Variants in DNMT3B observed in about 807,000 individuals in gnomAD.
DNMT3B encodes DNA methyltransferase 3 beta, also known as DNA (cytosine-5)-methyltransferase 3B.
DNMT3B carries 37 observed loss-of-function variants against 120.2 expected under a neutral mutation model. The observed-to-expected ratio is 0.31, with a 90% CI of 0.24 to 0.40. The LOEUF is 0.40. Ranked by LOEUF, DNMT3B falls within the 10% of genes least tolerant of loss-of-function variation. DNMT3B has a pLI of 1.00. For synonymous variants in DNMT3B, 412 were observed against 442.8 expected (o/e 0.93, Z 0.87); for missense variants, 878 against 1,137.3 (o/e 0.77, Z 3.28).
intron 1 of DNMT3B, among the ~76,000 whole-genome samples, chr20:32,763,249 G>C (rs1353907209): frequency 5.9e-5 from 9 of 152,374 alleles, no homozygotes. Flanking sequence ...CCCAATCCCA[G>C]CTTTAGGAAA....
chr20:32,783,220 C>A (rs1019027997), intron 3 of DNMT3B, among the ~76,000 whole-genome samples: 3 of 152,204 alleles, frequency 2.0e-5, no homozygotes, highest in Non-Finnish European at 4.4e-5. Flanking sequence ...AGCCACCATA[C>A]CTGGCCCATT....
At chr20:32,793,424 C>A in intron 9 of DNMT3B, 112 bp from the exon 10 acceptor site, 1 of 1,222,752 alleles carries the variant, frequency 8.2e-7, no homozygotes, top group Non-Finnish European at 1.2e-6. Flanking sequence ...GCCGAGATCG[C>A]ACCACTGCAT....
chr20:32,795,627 A>G (rs199509646), intron 11 of DNMT3B, 23 bp from the exon 12 acceptor site: 2 of 1,612,534 alleles, frequency 1.2e-6, no homozygotes, highest in Admixed American at 1.7e-5. Context: ...ACCTCATCTC[A>G]TGCCTTCTTC....
rs531310405 is a variant in DNMT3B at position 32,795,485 on chromosome 20, A to C, written c.1203A>C (p.Thr401=). The change falls in exon 11 of 23, where the codon ACA becomes ACC. Residue 401 remains threonine, a synonymous_variant. Transcript: ENST00000328111. The part of the protein sequence containing the change: ...DYCPAPKRLK[T]NCYNNGKDRG... ...GCCCCGCACCCAAGCGCCTCAAGAC[A>C]AATTGCTATAACAACGGCAAAGACC... 1 of 1,614,186 alleles carries C rather than the reference A, an allele frequency of 6.2e-7. No homozygotes were observed. The highest frequency in any genetic ancestry group is 1.1e-5 in the South Asian group (1 of 91,084).
chr20:32,777,065 C>T (rs990567797), intron 1 of DNMT3B, among the ~76,000 whole-genome samples: 2 of 152,064 alleles, frequency 1.3e-5, no homozygotes, highest in Non-Finnish European at 2.9e-5. Flanking sequence ...AACGTAGGGT[C>T]GTGATAAAAA....
At chr20:32,772,694 C>T (rs1457097162) in intron 1 of DNMT3B, among the ~76,000 whole-genome samples, 1 of 152,084 alleles carries the variant, frequency 6.6e-6, no homozygotes. Context: ...AAAGTTTAGA[C>T]TCTAAAGTTA....
At chr20:32,769,177 C>T (rs1348245936) in intron 1 of DNMT3B, among the ~76,000 whole-genome samples, 4 of 152,078 alleles carry the variant, frequency 2.6e-5, no homozygotes, top group Admixed American at 1.3e-4. Flanking sequence ...CTCTGCCTTC[C>T]GGGTTCACGC....
At chr20:32,777,511 A>G (rs939713358) in intron 1 of DNMT3B, among the ~76,000 whole-genome samples, 4 of 152,176 alleles carry the variant, frequency 2.6e-5, no homozygotes, top group African/African-American at 9.7e-5. Flanking sequence ...AGGAGGTCAC[A>G]TCCTTCACTC....
chr20:32,771,524 C>T (rs1987740075), intron 1 of DNMT3B, among the ~76,000 whole-genome samples: 1 of 150,798 alleles, frequency 6.6e-6, no homozygotes, highest in Non-Finnish European at 1.5e-5. Context: ...GCCTGTAATC[C>T]CAAGGAAGCT....
At position 32,791,723 on chromosome 20, in the gene DNMT3B, G is replaced by A. The variant is rs1171732147; in HGVS notation, c.921+15G>A. 6.2e-7 allele frequency: 1 copy of A among 1,612,868 alleles called. No individual in the cohort carries two copies. The highest frequency in any genetic ancestry group is 1.7e-5 in the Admixed American group (1 of 59,990). Reference sequence around the variant, plus strand: ...ATGCTCTGGAGGTAACATGGGATGAGGGAATGAGGGCTAAGCCCTGAGAGC... The same window carrying A: ...ATGCTCTGGAGGTAACATGGGATGAAGGAATGAGGGCTAAGCCCTGAGAGC... On this transcript the variant is annotated intron_variant, in intron 8 of 22. Coordinates refer to ENST00000328111, the MANE Select transcript of DNMT3B (RefSeq NM_006892.4).
rs1468799900 is a variant in DNMT3B, at chr20:32,787,751, G to A, written c.654+300G>A. Among the ~76,000 whole-genome samples the A allele has an allele frequency of 4.6e-5, 7 of 152,122 alleles. No homozygotes were observed. The East Asian group carries it at 9.6e-4, about 21-fold the overall frequency. On this transcript the variant is annotated intron_variant, in intron 6 of 22. Coordinates refer to ENST00000328111, the MANE Select transcript of DNMT3B (RefSeq NM_006892.4). ...TACGTTATACATTTCATGTACGCCC[G>A]TGTGAAGAGACCACCAAACAGGCTT...
chr20:32,776,553 T>C (rs1464636600), intron 1 of DNMT3B, among the ~76,000 whole-genome samples: 1 of 152,150 alleles, frequency 6.6e-6, no homozygotes, highest in Non-Finnish European at 1.5e-5. Flanking sequence ...GTAGTTAAAT[T>C]TGTATGTTAT....
intron 17 of DNMT3B, 133 bp from the exon 18 acceptor site, chr20:32,800,702 A>AC: frequency 3.0e-6 from 3 of 984,466 alleles, no homozygotes; most frequent in Non-Finnish European, 4.9e-6. Context: ...CAGGTAATCC[A>AC]CCCCCGCCGT....
In DNMT3B at chr20:32,807,930, GGT is replaced by G. The variant is rs1982148263; in HGVS notation, c.*33_*34del. The G allele has an allele frequency of 1.2e-6, 2 of 1,613,992 alleles. No individual in the cohort carries two copies. The highest frequency in any genetic ancestry group is 2.7e-5 in the African/African-American group (2 of 75,036). Reference sequence around the variant, plus strand: ...TCCAGCCAGGCCCCAAGCCCACTGGGGTGTGTGGCAGAGCCAGGACCCAGGAG... The same window carrying G: ...TCCAGCCAGGCCCCAAGCCCACTGGGGTGTGGCAGAGCCAGGACCCAGGAG... On this transcript the variant is annotated 3_prime_UTR_variant, in exon 23 of 23. Coordinates refer to ENST00000328111, the MANE Select transcript of DNMT3B (RefSeq NM_006892.4).
At chr20:32,792,475 C>T in intron 8 of DNMT3B, 151 bp from the exon 9 acceptor site, 1 of 1,330,368 alleles carries the variant, frequency 7.5e-7, no homozygotes, top group Non-Finnish European at 1.0e-6. Flanking sequence ...CCTCCTTCCT[C>T]TGTCACATAC....
At chr20:32,772,737 G>GT (rs370686818) in intron 1 of DNMT3B, among the ~76,000 whole-genome samples, 12 of 149,790 alleles carry the variant, frequency 8.0e-5, no homozygotes, top group South Asian at 2.1e-4. Flanking sequence ...TATGGTCCTA[G>GT]TTTTTTTTTT....
chr20:32,763,956 C>T (rs1014833222), intron 1 of DNMT3B, among the ~76,000 whole-genome samples: 2 of 152,348 alleles, frequency 1.3e-5, no homozygotes, highest in East Asian at 3.9e-4. Context: ...GTTATCTCCT[C>T]TACCAGGCCT....
intron 19 of DNMT3B, 64 bp from the exon 20 acceptor site, chr20:32,802,321 A>G: frequency 6.5e-7 from 1 of 1,546,870 alleles, no homozygotes; most frequent in Non-Finnish European, 8.9e-7. Flanking sequence ...TCACCTGCAA[A>G]GGTCTGGTTG....
intron 1 of DNMT3B, among the ~76,000 whole-genome samples, chr20:32,772,063 G>A (rs1467106848): frequency 6.6e-6 from 1 of 152,170 alleles, no homozygotes; most frequent in Non-Finnish European, 1.5e-5. Flanking sequence ...CTAACAATAA[G>A]TACTGCACTC....
Sources: allele counts gnomAD v4.1 joint callset (sites outside exome capture counted in the v4.1 genomes callset), GRCh38; gene constraint gnomAD v4.1.1; transcripts MANE v1.5; gene names NCBI Gene and HGNC (gene_info 2026-07-23, HGNC 2026-07-21).